The following ZNF106 variants were observed in gnomAD, a reference collection of about 807,000 sequenced individuals.
The protein encoded by ZNF106 is SH3-domain binding protein 3.
ZNF106 carries 67 observed loss-of-function variants against 195.1 expected under a neutral mutation model. The observed-to-expected ratio is 0.34, with a 90% CI of 0.28 to 0.42. ZNF106 has a LOEUF of 0.42. Ranked by LOEUF, ZNF106 falls within the 10% of genes least tolerant of loss-of-function variation. The probability of loss-of-function intolerance (pLI) is 1.00; values close to 1 mark genes in which losing one functional copy is unlikely to be tolerated. For missense variants in ZNF106, 2,118 were observed against 2,304.5 expected (o/e 0.92, Z 1.66); for synonymous variants, 784 against 818.6 (o/e 0.96, Z 0.72).
In ZNF106 at chr15:42,476,257, T is replaced by C. The variant is rs116072309; in HGVS notation, c.-32-3936A>G. Among the ~76,000 whole-genome samples, 1,296 of 152,270 alleles carry C rather than the reference T, an allele frequency of 8.5e-3. 20 individuals carry two copies. Among genetic ancestry groups the C allele is most frequent in the African/African-American group, 0.03 (1,233 of 41,552 alleles). On this transcript the variant is annotated intron_variant, in intron 1 of 21. Coordinates refer to ENST00000564754, the MANE Select transcript of ZNF106 (RefSeq NM_001366845.3). ...AGGCAAAGTAACTTTAGTTTATATA[T>C]TCTTAAATTGGGTAAATACATAAAT...
intron 10 of ZNF106, among the ~76,000 whole-genome samples, chr15:42,440,998 AATATAT>A (rs56924955): frequency 0.049 from 1,112 of 22,922 alleles, 34 homozygotes; most frequent in Non-Finnish European, 0.062. Flanking sequence ...AAAAAAAAAA[AATATAT>A]ATATATATAT....
Position 42,421,950 on chromosome 15 carries a change from G to T in ZNF106, c.5412C>A (p.Asp1804Glu), listed in dbSNP as rs761810599. 1.9e-6 allele frequency: 3 copies of T among 1,583,794 alleles called. No individual in the cohort carries two copies. The South Asian group carries it at 3.4e-5, about 18-fold the overall frequency. The change falls in exon 19 of 22, where the codon GAC becomes GAA. Residue 1804 changes from aspartate (D) to glutamate (E), a missense_variant. Coordinates refer to ENST00000564754, the MANE Select transcript of ZNF106 (RefSeq NM_001366845.3). ...DRLQVYGGHKDMIMCMTIHKS... is the reference protein window; with the variant it reads ...DRLQVYGGHKEMIMCMTIHKS... ...TATGGATGGTCATACACATAATCAT[G>T]TCTTTGTGTCCTCCATAAACTTGTA...
chr15:42,451,171 T>C lies in ZNF106; in HGVS notation c.1101A>G (p.Glu367=), dbSNP rs181905810. 5 of 1,614,174 alleles carry C rather than the reference T, an allele frequency of 3.1e-6. No individual in the cohort carries two copies. In the South Asian group the frequency reaches 3.3e-5, roughly 11 times the overall value. The change falls in exon 5 of 22, where the codon GAA becomes GAG. Residue 367 remains glutamate, a synonymous_variant. Transcript: ENST00000564754. ...VSGKNGSAAR[E]KPRRWTPYPS... is the part of the protein sequence containing the mutation. The stretch of plus-strand genomic sequence containing the variant: ...GGTAAGGCGTCCAGCGACGAGGCTT[T>C]TCCCTTGCCGCACTGCCATTCTTTC...
chr15:42,475,699 A>T (rs1401520979), intron 1 of ZNF106, among the ~76,000 whole-genome samples: 1 of 152,172 alleles, frequency 6.6e-6, no homozygotes, highest in East Asian at 1.9e-4. Flanking sequence ...TACTACTTAC[A>T]TGCGTTATTT....
chr15:42,450,824 G>A lies in ZNF106; in HGVS notation c.1448C>T (p.Thr483Ile). 3 of 1,614,166 alleles carry A rather than the reference G, an allele frequency of 1.9e-6. No homozygotes were observed. Among genetic ancestry groups the A allele is most frequent in the Non-Finnish European group, 2.5e-6 (3 of 1,180,016 alleles). ...ATCTTGCTTTTGAGACAATGATTTA[G>A]TGGCTGGACATGGAAGGAGTGGGGA... ...LKSPLLPCPA[T>I]KSLSQKQDPK... The change falls in exon 5 of 22, where the codon ACT becomes ATT. Residue 483 changes from threonine to isoleucine, a missense_variant. By Grantham distance (89) the Thr-to-Ile change is moderately conservative. Coordinates refer to ENST00000564754, the MANE Select transcript of ZNF106 (RefSeq NM_001366845.3).
intron 2 of ZNF106, among the ~76,000 whole-genome samples, chr15:42,471,274 G>C (rs567129925): frequency 2.0e-5 from 3 of 152,230 alleles, no homozygotes; most frequent in African/African-American, 7.2e-5. Context: ...CCTAGCCCAT[G>C]ATCCTCCCAG....
intron 14 of ZNF106, among the ~76,000 whole-genome samples, chr15:42,434,542 CTTCT>C (rs1298116761): frequency 1.3e-5 from 2 of 152,150 alleles, no homozygotes; most frequent in Non-Finnish European, 2.9e-5. Context: ...TTCCCTCCCC[CTTCT>C]TTATGTTCCT....
intron 1 of ZNF106, among the ~76,000 whole-genome samples, chr15:42,481,494 A>G (rs756457358): frequency 6.6e-6 from 1 of 151,440 alleles, no homozygotes; most frequent in Non-Finnish European, 1.5e-5. Context: ...AGTACCTGGG[A>G]TTACAGGCAC....
chr15:42,442,112 A>G lies in ZNF106; in HGVS notation c.3724T>C (p.Ser1242Pro), dbSNP rs1162423642. 1 of 1,613,922 alleles carries G rather than the reference A, an allele frequency of 6.2e-7. No homozygotes were observed. The highest frequency in any genetic ancestry group is 1.7e-5 in the Admixed American group (1 of 59,990). Residue 1242 changes from serine (S) to proline (P), a missense_variant, in exon 10 of 22, where the codon TCT (serine) becomes CCT (proline). Ser to Pro is a moderately conservative substitution (Grantham distance 74, BLOSUM62 -1). Transcript: ENST00000564754. ...DENVNAVPPS[S>P]ACNVSKELLE... is the part of the protein sequence containing the mutation. Reference sequence around the variant, plus strand: ...AATTCCTTGGACACATTGCAGGCAGAGCTTGGTGGCACAGCATTCACATTC... The same window carrying G: ...AATTCCTTGGACACATTGCAGGCAGGGCTTGGTGGCACAGCATTCACATTC...
At chr15:42,428,517 C>G (rs2054935995) in intron 14 of ZNF106, among the ~76,000 whole-genome samples, 1 of 152,266 alleles carries the variant, frequency 6.6e-6, no homozygotes, top group African/African-American at 2.4e-5. Context: ...GATAAATGCA[C>G]TAATCAAATA....
intron 4 of ZNF106, among the ~76,000 whole-genome samples, chr15:42,454,748 T>C (rs2056168850): frequency 6.6e-6 from 1 of 151,174 alleles, no homozygotes; most frequent in Non-Finnish European, 1.5e-5. Flanking sequence ...AAAAAAAAAT[T>C]AGCCACGCAT....
intron 14 of ZNF106, among the ~76,000 whole-genome samples, chr15:42,432,990 A>G (rs375419121): frequency 6.6e-6 from 1 of 152,224 alleles, no homozygotes; most frequent in Non-Finnish European, 1.5e-5. Context: ...CACATTTCAT[A>G]TAATTATTAA....
Position 42,448,399 on chromosome 15 carries a change from T to C in ZNF106, c.2808A>G (p.Glu936=). The C allele has an allele frequency of 2.5e-6, 4 of 1,614,170 alleles. No homozygotes were observed. Among genetic ancestry groups the C allele is most frequent in the Non-Finnish European group, 2.5e-6 (3 of 1,180,014 alleles). ...SQKATMHLKQ[E]VTPRAASLRT... ...GGAGGGAGGCAGCCCGAGGTGTCAC[T>C]TCTTGTTTGAGGTGCATGGTTGCTT... The change falls in exon 6 of 22, where the codon GAA becomes GAG. Residue 936 remains glutamate (E), a synonymous_variant. Transcript: ENST00000564754.
chr15:42,464,905 C>A (rs1158167048), intron 3 of ZNF106, among the ~76,000 whole-genome samples: 3 of 152,076 alleles, frequency 2.0e-5, no homozygotes, highest in Non-Finnish European at 2.9e-5. Context: ...AATGGGAATT[C>A]CCCTGCACAA....
chr15:42,433,228 C>A (rs2055124181), intron 14 of ZNF106, among the ~76,000 whole-genome samples: 3 of 152,024 alleles, frequency 2.0e-5, no homozygotes, highest in African/African-American at 7.2e-5. Context: ...GCCTCAGCCT[C>A]CCGAGTAGCT....
At chr15:42,466,797 C>T (rs765051689) in intron 2 of ZNF106, among the ~76,000 whole-genome samples, 2 of 152,108 alleles carry the variant, frequency 1.3e-5, no homozygotes, top group Non-Finnish European at 2.9e-5. Flanking sequence ...TCCCTTCTTC[C>T]CATCCTTAGA....
In ZNF106 at chr15:42,466,078, T is replaced by G. The variant is rs760077453; in HGVS notation, c.91A>C (p.Arg31=). The change falls in exon 3 of 22, where the codon AGG becomes CGG. Residue 31 remains arginine, a synonymous_variant. Coordinates refer to ENST00000564754, the MANE Select transcript of ZNF106 (RefSeq NM_001366845.3). The part of the protein sequence containing the change: ...DEHMRSMLHH[R]ELENLKGRDI... ...CTGCCCTTGAGGTTCTCAAGTTCCCTGTGATGCAACATGCTCCGCATGTGT... is the reference window on the plus strand; with the variant it reads ...CTGCCCTTGAGGTTCTCAAGTTCCCGGTGATGCAACATGCTCCGCATGTGT... 393 of 1,534,738 alleles carry G rather than the reference T, an allele frequency of 2.6e-4. No individual in the cohort carries two copies. Among genetic ancestry groups the G allele is most frequent in the Admixed American group, 8.3e-4 (42 of 50,806 alleles).
At chr15:42,454,161 T>G (rs534384975) in intron 4 of ZNF106, among the ~76,000 whole-genome samples, 6 of 152,366 alleles carry the variant, frequency 3.9e-5, no homozygotes, top group Admixed American at 1.3e-4. Flanking sequence ...TATGATATTT[T>G]GGACACAAAT....
At chr15:42,437,417 A>G (rs374930388) in intron 12 of ZNF106, 40 bp from the exon 13 acceptor site, 7 of 1,599,656 alleles carry the variant, frequency 4.4e-6, no homozygotes, top group Non-Finnish European at 6.0e-6. Context: ...TGTCTGCTAG[A>G]GTCTGAAAAG....
Sources: gnomAD v4.1 joint callset for allele counts (sites outside exome capture counted in the v4.1 genomes callset) on GRCh38, gnomAD v4.1.1 for gene constraint, MANE v1.5 for transcripts, NCBI Gene and HGNC (gene_info 2026-07-23, HGNC 2026-07-21) for gene names.